The following GRM3 variants were observed in gnomAD, a reference collection of about 807,000 sequenced individuals.
The protein encoded by GRM3 is glutamate metabotropic receptor 3.
In GRM3, 26 loss-of-function variants were observed where a neutral mutation model predicts 70.5. That is an observed-to-expected ratio of 0.37 (90% CI 0.27 to 0.51). The LOEUF (loss-of-function observed/expected upper bound fraction) is 0.51, where lower values mean the gene tolerates loss of function less well. Among genes scored for constraint, GRM3 ranks in the 20% least tolerant of loss-of-function variants. The pLI is 0.93. For synonymous variants in GRM3, 443 were observed against 434.9 expected (o/e 1.02, Z -0.23); for missense variants, 859 against 1,123.8 (o/e 0.76, Z 3.37).
intron 1 of GRM3, among the ~76,000 whole-genome samples, chr7:86,750,422 T>C (rs368194930): frequency 6.6e-6 from 1 of 152,056 alleles, no homozygotes; most frequent in East Asian, 1.9e-4. Flanking sequence ...GCTTTACTAG[T>C]TCTATGGGCT....
intron 3 of GRM3, among the ~76,000 whole-genome samples, chr7:86,821,882 T>C (rs1439254918): frequency 6.6e-6 from 1 of 152,148 alleles, no homozygotes; most frequent in Non-Finnish European, 1.5e-5. Context: ...TTCTAATTAG[T>C]GGGATTTTTC....
intron 4 of GRM3, among the ~76,000 whole-genome samples, chr7:86,840,130 T>C (rs1270202667): frequency 6.6e-6 from 1 of 152,166 alleles, no homozygotes; most frequent in Non-Finnish European, 1.5e-5. Flanking sequence ...GGAAGAGAAA[T>C]ATAAATGATA....
rs2116735636 is a variant in GRM3 at position 86,839,131 on chromosome 7, C to T, written c.1617C>T (p.Tyr539=). 1 of 1,614,100 alleles carries T rather than the reference C, an allele frequency of 6.2e-7. No individual in the cohort carries two copies. The highest frequency in any genetic ancestry group is 2.2e-5 in the East Asian group (1 of 44,886). Residue 539 remains tyrosine, a synonymous_variant, in exon 4 of 6, where the codon TAC becomes TAT. Transcript: ENST00000361669. The surrounding 1 kb of genome is among the most constrained non-coding windows in gnomAD (Gnocchi z 4.5). The part of the protein sequence containing the change: ...WICIPCEPYE[Y]LADEFTCMDC... ...GCATCCCCTGTGAACCCTACGAATACCTGGCTGATGAGTTTACCTGTATGG... is the reference window on the plus strand; with the variant it reads ...GCATCCCCTGTGAACCCTACGAATATCTGGCTGATGAGTTTACCTGTATGG...
At chr7:86,731,925 C>G (rs1464333671) in intron 1 of GRM3, among the ~76,000 whole-genome samples, 2 of 152,084 alleles carry the variant, frequency 1.3e-5, no homozygotes, top group African/African-American at 4.8e-5. Flanking sequence ...TCACCAACGC[C>G]TAATACAATG....
chr7:86,792,992 T>G (rs535237447), intron 3 of GRM3, among the ~76,000 whole-genome samples: 1 of 151,560 alleles, frequency 6.6e-6, no homozygotes, highest in African/African-American at 2.4e-5. Flanking sequence ...TTTGCTTGGT[T>G]GGCTTAGTTC....
intron 1 of GRM3, among the ~76,000 whole-genome samples, chr7:86,662,882 A>T (rs1793929796): frequency 6.6e-6 from 1 of 151,398 alleles, no homozygotes; most frequent in African/African-American, 2.4e-5. Flanking sequence ...TTTTAAAATG[A>T]ACTTCTCCAT....
intron 4 of GRM3, among the ~76,000 whole-genome samples, chr7:86,843,904 C>T (rs1016338982): frequency 2.0e-5 from 3 of 152,122 alleles, no homozygotes; most frequent in Non-Finnish European, 2.9e-5. Flanking sequence ...CAAATTTTAA[C>T]GTGCATGCAA....
intron 2 of GRM3, among the ~76,000 whole-genome samples, chr7:86,777,178 C>A (rs1796914038): frequency 1.3e-5 from 2 of 152,198 alleles, no homozygotes; most frequent in South Asian, 4.1e-4. Context: ...TTCGAGGAAT[C>A]CTTTGTGGTC....
chr7:86,683,303 T>C (rs1794485847), intron 1 of GRM3, among the ~76,000 whole-genome samples: 1 of 152,114 alleles, frequency 6.6e-6, no homozygotes, highest in African/African-American at 2.4e-5. Flanking sequence ...CAACAGAACA[T>C]GTAGGAAGAG....
At chr7:86,831,129 G>C (rs572962915) in intron 3 of GRM3, among the ~76,000 whole-genome samples, 1 of 152,160 alleles carries the variant, frequency 6.6e-6, no homozygotes, top group African/African-American at 2.4e-5. Flanking sequence ...GTGGTACTTC[G>C]TTATGGCAGC....
intron 1 of GRM3, among the ~76,000 whole-genome samples, chr7:86,747,140 C>A (rs1796121894): frequency 6.6e-6 from 1 of 152,020 alleles, no homozygotes; most frequent in South Asian, 2.1e-4. Context: ...ATTTAATTAG[C>A]CTGAGAAAAA....
rs373159672 is a variant in GRM3 at position 86,707,992 on chromosome 7, A to T, written c.-140-57014A>T. ...AAAAAATGAGAAGCGTGAATTACAT[A>T]AAGGTTATATAATTAGCCCAATGTC... is the stretch of plus-strand genomic sequence containing the variant. On this transcript the variant is annotated intron_variant, in intron 1 of 5. Transcript: ENST00000361669. Among the ~76,000 whole-genome samples the T allele has an allele frequency of 7.7e-4, 118 of 152,310 alleles. 2 individuals carry two copies. The South Asian group carries it at 0.023, about 30-fold the overall frequency.
intron 3 of GRM3, among the ~76,000 whole-genome samples, chr7:86,803,810 G>T (rs77010511): frequency 0.013 from 1,961 of 152,182 alleles, 20 homozygotes; most frequent in Non-Finnish European, 0.019. Flanking sequence ...CACCACAAAA[G>T]CTCACTCAGT....
chr7:86,766,482 T>A (rs1326731868), intron 2 of GRM3, among the ~76,000 whole-genome samples: 1 of 152,062 alleles, frequency 6.6e-6, no homozygotes, highest in Admixed American at 6.6e-5. Flanking sequence ...TACATACTCT[T>A]GCAATCCTTA....
chr7:86,729,619 C>T (rs373904722), intron 1 of GRM3, among the ~76,000 whole-genome samples: 96 of 152,162 alleles, frequency 6.3e-4, no homozygotes, highest in Non-Finnish European at 1.1e-3. Context: ...TTAATATATA[C>T]GCATATGAAA....
intron 1 of GRM3, among the ~76,000 whole-genome samples, chr7:86,732,256 CAAAT>C (rs970945156): frequency 5.3e-5 from 8 of 151,956 alleles, no homozygotes; most frequent in African/African-American, 9.7e-5. Context: ...GAGAAAAAAA[CAAAT>C]AAATTTTAAC....
intron 2 of GRM3, among the ~76,000 whole-genome samples, chr7:86,778,352 C>A (rs1176172187): frequency 6.6e-6 from 1 of 152,034 alleles, no homozygotes; most frequent in Non-Finnish European, 1.5e-5. Flanking sequence ...AACTGTAAAA[C>A]TTCTGAAAAT....
intron 1 of GRM3, among the ~76,000 whole-genome samples, chr7:86,645,563 G>C (rs1181671525): frequency 1.3e-5 from 2 of 152,114 alleles, no homozygotes; most frequent in Non-Finnish European, 2.9e-5. Context: ...AATAGACTAG[G>C]TGATATATCC....
chr7:86,847,054 A>C (rs1337029621), intron 4 of GRM3, among the ~76,000 whole-genome samples: 1 of 152,096 alleles, frequency 6.6e-6, no homozygotes, highest in Non-Finnish European at 1.5e-5. Flanking sequence ...AGTCCAGGTG[A>C]CCCCTGTACC....
Sources: allele counts gnomAD v4.1 joint callset (sites outside exome capture counted in the v4.1 genomes callset), GRCh38; gene constraint gnomAD v4.1.1; non-coding constraint Gnocchi (gnomAD v3.1); transcripts MANE v1.5; gene names NCBI Gene and HGNC (gene_info 2026-07-23, HGNC 2026-07-21).